The following MTSS1 variants were observed in gnomAD, a reference collection of about 807,000 sequenced individuals.
The protein encoded by MTSS1 is protein MTSS 1.
A neutral mutation model predicts 79.0 loss-of-function variants in MTSS1; 18 were observed. That is an observed-to-expected ratio of 0.23 (90% confidence interval 0.16 to 0.34). The LOEUF is 0.34. Among genes scored for constraint, MTSS1 ranks in the 10% least tolerant of loss-of-function variants. MTSS1 has a pLI of 1.00. For missense variants in MTSS1, 815 were observed against 986.2 expected, an observed-to-expected ratio of 0.83 and a Z score of 2.33; for synonymous variants, 341 against 368.6, an observed-to-expected ratio of 0.93 and a Z score of 0.86.
At chr8:124,565,595 T>C in intron 9 of MTSS1, 67 bp downstream of exon 9, 1 of 1,358,124 alleles carries the variant, frequency 7.4e-7, no homozygotes, top group Non-Finnish European at 1.1e-6. Context: ...ACTGGCTCCA[T>C]TGCTCACATT....
rs1052166349 is a variant in MTSS1, at chr8:124,683,807, C to T, written c.208+15719G>A. On this transcript the variant is annotated intron_variant, in intron 3 of 13. Coordinates refer to ENST00000518547, the MANE Select transcript of MTSS1 (RefSeq NM_014751.6). This position sits in a 1 kb window ranked among gnomAD's most constrained non-coding sequence, Gnocchi z 4.5. ...TGGAATCAGAGCCCAGTTGCAGCCT[C>T]TTCCAGTGTCAATAAGAGAAGTTAC... Among the ~76,000 whole-genome samples, 20 of 152,220 alleles carry T rather than the reference C, an allele frequency of 1.3e-4. No homozygotes were observed. The highest frequency in any genetic ancestry group is 4.6e-4 in the African/African-American group (19 of 41,452).
At chr8:124,591,913 T>A (rs1010967550) in intron 3 of MTSS1, among the ~76,000 whole-genome samples, 1 of 152,034 alleles carries the variant, frequency 6.6e-6, no homozygotes, top group African/African-American at 2.4e-5. Context: ...CCTAAGTAGC[T>A]GGGATTACAG....
intron 3 of MTSS1, among the ~76,000 whole-genome samples, chr8:124,669,296 A>G (rs1367970461): frequency 1.3e-5 from 2 of 152,206 alleles, no homozygotes; most frequent in South Asian, 2.1e-4. Flanking sequence ...GTAGGTGTCC[A>G]CCGTCTCGCT....
chr8:124,727,903 G>A lies in MTSS1; in HGVS notation c.53C>T (p.Thr18Ile). The A allele has an allele frequency of 6.2e-7, 1 of 1,608,908 alleles. No individual in the cohort carries two copies. The change falls in exon 1 of 14, where the codon ACC (threonine) becomes ATC (isoleucine). Residue 18 changes from threonine (T) to isoleucine (I), a missense_variant. Thr to Ile is a moderately conservative substitution (Grantham distance 89). This residue lies in a region of MTSS1 where 225 missense variants were observed against 365.4 expected (regional missense o/e 0.62). Transcript: ENST00000518547. This position sits in a 1 kb window ranked among gnomAD's most constrained non-coding sequence, Gnocchi z 4.7. ...TCCTACCTTCATGTCGCTGATGATG[G>A]TCTGGAAGAGGCCTCCGAGCGCGCT... The part of the protein sequence containing the change: ...ECSALGGLFQ[T>I]IISDMKGSYP...
At chr8:124,699,435 C>T (rs1457145901) in intron 3 of MTSS1, 91 bp downstream of exon 3, 1 of 1,180,974 alleles carries the variant, frequency 8.5e-7, no homozygotes, top group Non-Finnish European at 1.3e-6. Context: ...GCTCTGATAA[C>T]TTAAGCTGCA....
At chr8:124,697,794 G>C (rs7013991) in intron 3 of MTSS1, among the ~76,000 whole-genome samples, 54,741 of 151,728 alleles carry the variant, frequency 0.36, 10,590 homozygotes, top group Non-Finnish European at 0.41. Flanking sequence ...TTTTTTAAAG[G>C]ACTTTTAAAA....
chr8:124,690,050 T>C (rs1384804319), intron 3 of MTSS1, among the ~76,000 whole-genome samples: 3 of 152,128 alleles, frequency 2.0e-5, no homozygotes, highest in Non-Finnish European at 1.5e-5. Context: ...CACTTTATTA[T>C]GTAAACTGCC....
In MTSS1 at chr8:124,551,505, G is replaced by C. The variant is rs1050228859; in HGVS notation, c.*1487C>G. 4.6e-5 allele frequency: 7 copies of C among 152,714 alleles called. No homozygotes were observed. The highest frequency in any genetic ancestry group is 2.6e-4 in the Admixed American group (4 of 15,300). 9.5% of individuals were successfully genotyped at this position (152,714 alleles called of 1,614,324 possible). A position where few individuals can be genotyped will look rare whatever the true frequency, so the allele number is the denominator to read the frequency against. ...TAAAGCATAAGATTAGGTAATTGAG[G>C]GTTAGAGCCAACAGGAATCTGCAGG... On this transcript the variant is annotated 3_prime_UTR_variant, in exon 14 of 14. Coordinates refer to ENST00000518547, the MANE Select transcript of MTSS1 (RefSeq NM_014751.6).
chr8:124,565,844 A>C (rs751973608), intron 8 of MTSS1, 85 bp from the exon 9 acceptor site: 147 of 1,156,706 alleles, frequency 1.3e-4, no homozygotes, highest in Non-Finnish European at 7.0e-5. Flanking sequence ...CAAAGCATCA[A>C]AACGCTGCCA....
At chr8:124,570,310 G>A (rs911168496) in intron 6 of MTSS1, among the ~76,000 whole-genome samples, 12 of 152,156 alleles carry the variant, frequency 7.9e-5, no homozygotes, top group African/African-American at 2.9e-4. Flanking sequence ...GTACAAATGT[G>A]TAGATAGTAT....
rs113876956 is a variant in MTSS1 at position 124,612,155 on chromosome 8, T to C, written c.209-20920A>G. Among the ~76,000 whole-genome samples, 649 of 152,302 alleles carry C rather than the reference T, an allele frequency of 4.3e-3. 2 individuals are homozygous for C. The highest frequency in any genetic ancestry group is 0.015 in the African/African-American group (632 of 41,560). On this transcript the variant is annotated intron_variant, in intron 3 of 13. Coordinates refer to ENST00000518547, the MANE Select transcript of MTSS1 (RefSeq NM_014751.6). Reference sequence around the variant, plus strand: ...TGGTGAGCATCCTACAGGGGTGACATTGGACCACTCCCAACAGTTTCCCCC... The same window carrying C: ...TGGTGAGCATCCTACAGGGGTGACACTGGACCACTCCCAACAGTTTCCCCC...
chr8:124,567,875 C>A (rs139420337), intron 7 of MTSS1: 1 of 1,449,814 alleles, frequency 6.9e-7, no homozygotes, highest in Non-Finnish European at 9.1e-7. Flanking sequence ...TTCTCAATTA[C>A]GGCATGCAAA....
intron 6 of MTSS1, among the ~76,000 whole-genome samples, chr8:124,572,362 T>C (rs1436500430): frequency 7.3e-6 from 1 of 136,506 alleles, no homozygotes; most frequent in African/African-American, 3.0e-5. Flanking sequence ...AACATGTAAT[T>C]ATATTTATAA....
intron 3 of MTSS1, among the ~76,000 whole-genome samples, chr8:124,591,771 A>C (rs1245586085): frequency 6.6e-6 from 1 of 152,172 alleles, no homozygotes; most frequent in Non-Finnish European, 1.5e-5. Context: ...GGCTAAAGCA[A>C]AATGAGGTAA....
At chr8:124,567,684 C>A (rs906805122) in intron 7 of MTSS1, 132 of 1,459,396 alleles carry the variant, frequency 9.0e-5, no homozygotes, top group Non-Finnish European at 1.1e-4. Context: ...GAGCTGGGGA[C>A]CATGGAAGAA....
At chr8:124,704,329 C>T (rs901931182) in intron 1 of MTSS1, 138 bp from the exon 2 acceptor site, 22 of 751,230 alleles carry the variant, frequency 2.9e-5, no homozygotes, top group South Asian at 1.7e-4. Context: ...ATACGTTTCC[C>T]GGATTCTATA....
At chr8:124,584,510 G>T (rs778633603) in intron 6 of MTSS1, among the ~76,000 whole-genome samples, 8 of 152,132 alleles carry the variant, frequency 5.3e-5, no homozygotes, top group Non-Finnish European at 1.0e-4. Flanking sequence ...AAGATCTGAC[G>T]ATTCATTTGT....
intron 3 of MTSS1, among the ~76,000 whole-genome samples, chr8:124,642,209 G>C (rs1818176688): frequency 1.3e-5 from 2 of 152,144 alleles, no homozygotes; most frequent in South Asian, 4.1e-4. Flanking sequence ...GGATGTGATA[G>C]GAATGGAAAG....
intron 3 of MTSS1, among the ~76,000 whole-genome samples, chr8:124,675,770 T>C (rs1825173223): frequency 6.6e-6 from 1 of 152,242 alleles, no homozygotes; most frequent in Admixed American, 6.5e-5. Flanking sequence ...CTCTTGTCTC[T>C]TGACTTTCAC....
Sources: allele counts gnomAD v4.1 joint callset (sites outside exome capture counted in the v4.1 genomes callset), GRCh38; gene constraint gnomAD v4.1.1; regional missense constraint gnomAD v4.1.1; non-coding constraint Gnocchi (gnomAD v3.1); transcripts MANE v1.5; gene names NCBI Gene and HGNC (gene_info 2026-07-23, HGNC 2026-07-21).